HSPA12A: variants seen among roughly 807,000 people sequenced by gnomAD.
The protein encoded by HSPA12A is heat shock 70 kDa protein 12A.
In HSPA12A, 28 loss-of-function variants were observed where a neutral mutation model predicts 69.2. The observed-to-expected ratio is 0.40, with a 90% CI of 0.30 to 0.55. The LOEUF (loss-of-function observed/expected upper bound fraction) is 0.55, where lower values mean the gene tolerates loss of function less well. Among genes scored for constraint, HSPA12A ranks in the 20% least tolerant of loss-of-function variants. The probability of loss-of-function intolerance (pLI) is 0.38; values close to 1 mark genes in which losing one functional copy is unlikely to be tolerated. For synonymous variants in HSPA12A, 345 were observed against 370.5 expected (o/e 0.93, Z 0.79); for missense variants, 686 against 900.7 (o/e 0.76, Z 3.05).
chr10:116,817,603 T>C (rs1845330775), intron 2 of HSPA12A, among the ~76,000 whole-genome samples: 1 of 152,098 alleles, frequency 6.6e-6, no homozygotes, highest in South Asian at 2.1e-4. Context: ...TCCACCACCA[T>C]AGCGATGGGT....
At chr10:116,802,049 T>C (rs1844968161) in intron 2 of HSPA12A, among the ~76,000 whole-genome samples, 1 of 152,148 alleles carries the variant, frequency 6.6e-6, no homozygotes, top group Non-Finnish European at 1.5e-5. Context: ...GGGGAGGGCA[T>C]AAGCTCTGGC....
At chr10:116,848,284 G>GT (rs1845936912) in intron 1 of HSPA12A, among the ~76,000 whole-genome samples, 1 of 152,226 alleles carries the variant, frequency 6.6e-6, no homozygotes, top group South Asian at 2.1e-4. Context: ...GAGACGTTCC[G>GT]TAAGAGAGCA....
rs190702341 is a variant in HSPA12A at position 116,711,969 on chromosome 10, G to T, written c.41-4684C>A. 4.4e-4 allele frequency among the ~76,000 whole-genome samples: 67 copies of T among 152,176 alleles called. 1 individual carries two copies. In the East Asian group the frequency reaches 0.012, roughly 28 times the overall value. On this transcript the variant is annotated intron_variant, in intron 1 of 11. Coordinates refer to ENST00000369209, the MANE Select transcript of HSPA12A (RefSeq NM_025015.3). Reference sequence around the variant, plus strand: ...CCCAAACTGCTGGGATTACAGGCGTGAGCCACTGTGCCCGGCCAACACTGA... The same window carrying T: ...CCCAAACTGCTGGGATTACAGGCGTTAGCCACTGTGCCCGGCCAACACTGA...
chr10:116,780,888 A>C (rs550575659), intron 2 of HSPA12A, among the ~76,000 whole-genome samples: 21 of 152,342 alleles, frequency 1.4e-4, no homozygotes, highest in African/African-American at 4.6e-4. Context: ...TATAACTGAA[A>C]GTAATGCTAC....
intron 2 of HSPA12A, among the ~76,000 whole-genome samples, chr10:116,820,160 T>A (rs149857011): frequency 6.6e-6 from 1 of 152,310 alleles, no homozygotes; most frequent in East Asian, 1.9e-4. Flanking sequence ...TGGGTTGTAC[T>A]GAGTCAGTAC....
chr10:116,773,432 G>A (rs1844258971), intron 2 of HSPA12A, among the ~76,000 whole-genome samples: 1 of 152,244 alleles, frequency 6.6e-6, no homozygotes, highest in Non-Finnish European at 1.5e-5. Flanking sequence ...CCTGGGAGCT[G>A]TGCGTCACTC....
At chr10:116,720,372 G>A (rs1303363654) in intron 1 of HSPA12A, among the ~76,000 whole-genome samples, 1 of 152,200 alleles carries the variant, frequency 6.6e-6, no homozygotes, top group African/African-American at 2.4e-5. Flanking sequence ...ACTGGGGCTG[G>A]GGCAAGAGCT....
In HSPA12A at chr10:116,675,386, C is replaced by T. The variant is rs368063082; in HGVS notation, c.1423G>A (p.Val475Ile). The T allele has an allele frequency of 1.8e-4, 286 of 1,606,018 alleles. No individual in the cohort carries two copies. Among genetic ancestry groups the T allele is most frequent in the South Asian group, 1.3e-3 (118 of 89,976 alleles). Residue 475 changes from valine to isoleucine, a missense_variant, in exon 12 of 12, where the codon GTC becomes ATC. Coordinates refer to ENST00000369209, the MANE Select transcript of HSPA12A (RefSeq NM_025015.3). This position sits in a 1 kb window ranked among gnomAD's most constrained non-coding sequence, Gnocchi z 5.2. ...CCGCCCACCAGAAAGAGGAACTTGA[C>T]GGTGGACACCTCGGGCTTCTGAAAC... is the stretch of plus-strand genomic sequence containing the variant. ...DLFQKPEVST[V>I]KFLFLVGGFA...
rs80241366 is a variant in HSPA12A at position 116,794,915 on chromosome 10, A to C, written c.91+40020T>G. On this transcript the variant is annotated intron_variant, in intron 2 of 12. Coordinates refer to the HSPA12A transcript ENST00000635765. ...GGTCAAAGAAGAAATCAAAATCAGA[A>C]TTTAAAAAATAATTAGAATTGATCA... 9.8e-3 allele frequency among the ~76,000 whole-genome samples: 1,489 copies of C among 152,314 alleles called. 25 individuals are homozygous for C. The highest frequency in any genetic ancestry group is 0.033 in the African/African-American group (1,386 of 41,564).
intron 2 of HSPA12A, among the ~76,000 whole-genome samples, chr10:116,805,080 G>A (rs988496092): frequency 6.6e-6 from 1 of 152,132 alleles, no homozygotes; most frequent in African/African-American, 2.4e-5. Context: ...ACTTTGGGAG[G>A]CCGAGGCTGG....
intron 2 of HSPA12A, among the ~76,000 whole-genome samples, chr10:116,762,848 T>C (rs575552417): frequency 6.6e-6 from 1 of 152,322 alleles, no homozygotes; most frequent in Admixed American, 6.5e-5. Context: ...AGTGCTGGGA[T>C]TACAGGCATG....
intron 6 of HSPA12A, among the ~76,000 whole-genome samples, chr10:116,687,346 C>T (rs1329252956): frequency 6.6e-6 from 1 of 152,150 alleles, no homozygotes; most frequent in Non-Finnish European, 1.5e-5. Context: ...GGTCATGGGC[C>T]CAGGCAGTGT....
At chr10:116,811,708 T>C (rs1364314876) in intron 2 of HSPA12A, among the ~76,000 whole-genome samples, 1 of 152,120 alleles carries the variant, frequency 6.6e-6, no homozygotes, top group Non-Finnish European at 1.5e-5. Context: ...AGGTGAGTGC[T>C]GGAATCAAAC....
intron 2 of HSPA12A, chr10:116,832,872 C>CTTTGATAAAATCAA (rs1554896967): frequency 3.9e-5 from 6 of 152,200 alleles, no homozygotes; most frequent in African/African-American, 1.4e-4. Flanking sequence ...TCTAACCTTC[C>CTTTGATAAAATCAA]TTTGATAAAA....
upstream of HSPA12A, among the ~76,000 whole-genome samples, chr10:116,747,161 C>T (rs977900073): frequency 3.3e-5 from 5 of 152,168 alleles, no homozygotes; most frequent in African/African-American, 7.2e-5. Flanking sequence ...TGGTGTGAAT[C>T]GGTCTCTCCA....
chr10:116,774,004 G>T (rs1306778658), intron 2 of HSPA12A, among the ~76,000 whole-genome samples: 2 of 151,712 alleles, frequency 1.3e-5, no homozygotes, highest in African/African-American at 4.8e-5. Flanking sequence ...AACCTGCTCT[G>T]TGGCAAGGGC....
chr10:116,783,557 C>A (rs782084630), intron 2 of HSPA12A, among the ~76,000 whole-genome samples: 2 of 152,202 alleles, frequency 1.3e-5, no homozygotes, highest in Non-Finnish European at 2.9e-5. Flanking sequence ...ACCGTCCCCA[C>A]CCCAGTCCAC....
chr10:116,753,667 A>G (rs1318881630), intron 2 of HSPA12A, among the ~76,000 whole-genome samples: 1 of 151,454 alleles, frequency 6.6e-6, no homozygotes, highest in African/African-American at 2.4e-5. Context: ...CACCTCCCAG[A>G]GCACAAATTC....
At chr10:116,706,972 A>C (rs1850270114) in intron 2 of HSPA12A, among the ~76,000 whole-genome samples, 1 of 152,192 alleles carries the variant, frequency 6.6e-6, no homozygotes. Context: ...GCCACAGCAC[A>C]GAAAGCCTTC....
Sources: allele counts gnomAD v4.1 joint callset (sites outside exome capture counted in the v4.1 genomes callset), GRCh38; gene constraint gnomAD v4.1.1; non-coding constraint Gnocchi (gnomAD v3.1); transcripts MANE v1.5; gene names NCBI Gene and HGNC (gene_info 2026-07-23, HGNC 2026-07-21).